Variants in DENR observed in about 807,000 individuals in gnomAD.
DENR encodes density regulated re-initiation and release factor.
Under a neutral mutation model 30.6 loss-of-function variants are expected in DENR, and 6 were observed. The ratio of observed to expected loss-of-function variants is 0.20; its 90% CI spans 0.11 to 0.39. The LOEUF (loss-of-function observed/expected upper bound fraction) is 0.39. DENR is among the 10% of genes least tolerant of loss of function. The pLI, the probability that DENR is intolerant of heterozygous loss-of-function variation, is 1.00. For synonymous variants in DENR, 78 were observed against 72.1 expected (o/e 1.08, Z -0.41); for missense variants, 141 against 230.9 (o/e 0.61, Z 2.52).
At position 122,765,333 on chromosome 12, in the gene DENR, A is replaced by G. The variant is rs1278146027; in HGVS notation, c.241A>G (p.Ser81Gly). 5.8e-6 allele frequency: 9 copies of G among 1,552,052 alleles called. No individual in the cohort carries two copies. ...TTCACCCAAACAAGAAGCTGGAATTAGTGAGGGTCAAGGAACAGCAGGGGA... is the reference window on the plus strand; with the variant it reads ...TTCACCCAAACAAGAAGCTGGAATTGGTGAGGGTCAAGGAACAGCAGGGGA... ...ENSPKQEAGI[S>G]EGQGTAGEEE... is the part of the protein sequence containing the mutation. Residue 81 changes from serine to glycine, a missense_variant, in exon 5 of 8, where the codon AGT becomes GGT. Physicochemically the swap from Ser to Gly is moderately conservative, Grantham distance 56 (BLOSUM62 0). Around this residue, in one of 2 missense-constraint regions of DENR, gnomAD observed 104 missense variants for 138.3 expected, o/e 0.75. Transcript: ENST00000280557.
intron 4 of DENR, chr12:122,763,335 C>A (rs1878756647): frequency 6.3e-6 from 1 of 157,728 alleles, no homozygotes. Flanking sequence ...GGAGGCAGAG[C>A]TTGCCGTGAG....
chr12:122,762,483 C>T (rs1248951341), intron 3 of DENR, among the ~76,000 whole-genome samples: 2 of 152,014 alleles, frequency 1.3e-5, no homozygotes, highest in African/African-American at 4.8e-5. Flanking sequence ...ATAAGAGTAA[C>T]CTTAATGCCA....
chr12:122,758,129 T>C (rs538073504), intron 2 of DENR, among the ~76,000 whole-genome samples: 1 of 152,348 alleles, frequency 6.6e-6, no homozygotes, highest in African/African-American at 2.4e-5. Context: ...TGGAGTGTAA[T>C]GGCGTGATCT....
chr12:122,756,146 G>C (rs1329775428), intron 2 of DENR, among the ~76,000 whole-genome samples: 1 of 152,166 alleles, frequency 6.6e-6, no homozygotes, highest in Non-Finnish European at 1.5e-5. Context: ...GATGAATGCT[G>C]AAAGAAAGAG....
chr12:122,757,262 A>T (rs531890472), intron 2 of DENR, among the ~76,000 whole-genome samples: 67 of 152,338 alleles, frequency 4.4e-4, no homozygotes, highest in Non-Finnish European at 7.8e-4. Flanking sequence ...GCTCAAATTC[A>T]TTTAGGAAAC....
rs1484613203 is a variant in DENR at position 122,762,913 on chromosome 12, T to C, written c.195T>C (p.Phe65=). The part of the protein sequence containing the change: ...QWLEKNFPNE[F]AKLTVENSPK... Reference sequence around the variant, plus strand: ...TAGAGAAGAATTTTCCAAATGAATTTGCAAAACTTACTGTAGGTATGAACA... The same window carrying C: ...TAGAGAAGAATTTTCCAAATGAATTCGCAAAACTTACTGTAGGTATGAACA... Residue 65 remains phenylalanine, a synonymous_variant, in exon 4 of 8, where the codon TTT becomes TTC. Coordinates refer to ENST00000280557, the MANE Select transcript of DENR (RefSeq NM_003677.5). 3.9e-6 allele frequency: 6 copies of C among 1,546,746 alleles called. No homozygotes were observed. The highest frequency in any genetic ancestry group is 5.2e-6 in the Non-Finnish European group (6 of 1,144,472).
At chr12:122,768,331 C>G (rs1878902871) in intron 6 of DENR, 1 of 153,196 alleles carries the variant, frequency 6.5e-6, no homozygotes, top group Non-Finnish European at 1.5e-5. Flanking sequence ...AACCCCATCT[C>G]TACTAAAAAT....
rs56789676 is a variant in DENR at position 122,769,856 on chromosome 12, CTT to C, written c.*782_*783del. The stretch of plus-strand genomic sequence containing the variant: ...TTTATTTTTTGAAAAACCCGGTAGA[CTT>C]TTTGTGGGGAGCATTTTTGTTGATA... On this transcript the variant is annotated 3_prime_UTR_variant, in exon 8 of 8. Transcript: ENST00000280557. The C allele has an allele frequency of 0.8, 121,321 of 151,876 alleles. 49,387 individuals are homozygous for C. Among genetic ancestry groups the C allele is most frequent in the Middle Eastern group, 0.9 (265 of 294 alleles). 9.4% of individuals were successfully genotyped at this position (151,876 alleles called of 1,614,324 possible). A position where few individuals can be genotyped will look rare whatever the true frequency, so the allele number is the denominator to read the frequency against.
Position 122,769,100 on chromosome 12 carries a change from T to TA in DENR, c.*24dup. On this transcript the variant is annotated 3_prime_UTR_variant, in exon 8 of 8. Transcript: ENST00000280557. ...GTGAATTTGAAAATTTGTCTGTATT[T>TA]AATGGCCTGAACTGAGAGTTGATAT... 6.2e-7 allele frequency: 1 copy of TA among 1,605,092 alleles called. No individual in the cohort carries two copies. The highest frequency in any genetic ancestry group is 8.5e-7 in the Non-Finnish European group (1 of 1,176,864).
rs545693513 is a variant in DENR at position 122,756,165 on chromosome 12, T to TA, written c.106+2359dup. 1.6e-3 allele frequency among the ~76,000 whole-genome samples: 238 copies of TA among 152,118 alleles called. 1 individual carries two copies. Among genetic ancestry groups the TA allele is most frequent in the Middle Eastern group, 6.8e-3 (2 of 294 alleles). On this transcript the variant is annotated intron_variant, in intron 2 of 7. Transcript: ENST00000280557. ...AATGCTGAAAGAAAGAGACAAGAAA[T>TA]AGGCCAGGCGCGGTGGCTCACACCT...
Position 122,769,259 on chromosome 12 carries a change from C to CATGTAT in DENR, c.*183_*184insGTATAT, listed in dbSNP as rs1878950081. 16 of 648,138 alleles carry CATGTAT rather than the reference C, an allele frequency of 2.5e-5. No homozygotes were observed. The East Asian group carries it at 1.0e-3, about 41-fold the overall frequency. 40.1% of individuals were successfully genotyped at this position (648,138 alleles called of 1,614,324 possible). On this transcript the variant is annotated 3_prime_UTR_variant, in exon 8 of 8. Transcript: ENST00000280557. ...GTATGTATACATGTATATATATATA[C>CATGTAT]ATACACATATATGTATACATATATA...
At chr12:122,762,763 G>T in intron 3 of DENR, 82 bp from the exon 4 acceptor site, 3 of 909,910 alleles carry the variant, frequency 3.3e-6, no homozygotes, top group Non-Finnish European at 3.4e-6. Context: ...GTATTAACAA[G>T]TATAGGGGGT....
At position 122,769,078 on chromosome 12, in the gene DENR, A is replaced by T. The variant is rs1334215697; in HGVS notation, c.597A>T (p.Ter199CysextTer2). ...AAGATCTTGGAGAAGTAAAGAAGTG[A>T]ATTTGAAAATTTGTCTGTATTTAAT... ...SIEDLGEVKK* is the reference protein window; with the variant it reads ...SIEDLGEVKKC Residue 199 changes from the stop codon to cysteine (C), a stop_lost, in exon 8 of 8, where the codon TGA becomes TGT. Coordinates refer to ENST00000280557, the MANE Select transcript of DENR (RefSeq NM_003677.5). 7 of 1,607,538 alleles carry T rather than the reference A, an allele frequency of 4.4e-6. No individual in the cohort carries two copies. The highest frequency in any genetic ancestry group is 5.9e-6 in the Non-Finnish European group (7 of 1,177,790).
At chr12:122,766,721 A>G (rs1194309814) in intron 5 of DENR, among the ~76,000 whole-genome samples, 3 of 151,266 alleles carry the variant, frequency 2.0e-5, no homozygotes, top group African/African-American at 7.3e-5. Context: ...TTCTCCCTTT[A>G]CTCAGTTCTT....
intron 5 of DENR, among the ~76,000 whole-genome samples, chr12:122,766,610 C>G (rs1207668207): frequency 1.3e-5 from 2 of 152,214 alleles, no homozygotes; most frequent in Non-Finnish European, 2.9e-5. Context: ...AGTCTCGAGT[C>G]TCAAGTCCCA....
At chr12:122,764,365 C>T (rs1421148734) in intron 4 of DENR, among the ~76,000 whole-genome samples, 2 of 152,132 alleles carry the variant, frequency 1.3e-5, no homozygotes, top group African/African-American at 4.8e-5. Context: ...TTTGGGAGGC[C>T]GAGGCAGGCG....
chr12:122,766,483 G>T (rs1044896089), intron 5 of DENR, among the ~76,000 whole-genome samples: 1 of 152,138 alleles, frequency 6.6e-6, no homozygotes, highest in Non-Finnish European at 1.5e-5. Flanking sequence ...CTGCTGCCCA[G>T]TATGCACTTA....
intron 2 of DENR, among the ~76,000 whole-genome samples, chr12:122,760,965 T>TA (rs1878683376): frequency 1.3e-5 from 2 of 152,124 alleles, no homozygotes; most frequent in Admixed American, 6.6e-5. Flanking sequence ...ATAAAAAACT[T>TA]ACCTGTACAT....
chr12:122,756,585 G>T (rs1055742725), intron 2 of DENR, among the ~76,000 whole-genome samples: 4 of 152,244 alleles, frequency 2.6e-5, no homozygotes, highest in African/African-American at 7.2e-5. Flanking sequence ...TGAAGGAAAG[G>T]TTGCATTCAG....
Sources: gnomAD v4.1 joint callset for allele counts (sites outside exome capture counted in the v4.1 genomes callset) on GRCh38, gnomAD v4.1.1 for gene constraint, gnomAD v4.1.1 regional missense constraint, MANE v1.5 for transcripts, NCBI Gene and HGNC (gene_info 2026-07-23, HGNC 2026-07-21) for gene names.